MAST2: variants seen among roughly 807,000 people sequenced by gnomAD.
MAST2 encodes the protein microtubule associated serine/threonine kinase 2.
Under a neutral mutation model 147.4 loss-of-function variants are expected in MAST2, and 70 were observed. The observed-to-expected ratio is 0.47, with a 90% CI of 0.39 to 0.58. The LOEUF (loss-of-function observed/expected upper bound fraction) is 0.58. Ranked by LOEUF, MAST2 falls within the 20% of genes least tolerant of loss-of-function variation. The pLI is 0.00. For missense variants in MAST2, 2,080 were observed against 2,302.3 expected, an observed-to-expected ratio of 0.90 and a Z score of 1.98; for synonymous variants, 869 against 896.8, an observed-to-expected ratio of 0.97 and a Z score of 0.55.
Position 45,959,467 on chromosome 1 carries a change from T to C in MAST2, c.582T>C (p.His194=). The change falls in exon 5 of 29, where the codon CAT becomes CAC. Residue 194 remains histidine (H), a synonymous_variant. Transcript: ENST00000361297. ...PTLPRPHSPL[H]GHTGNSPLDS... The stretch of plus-strand genomic sequence containing the variant: ...TACCACGGCCACACTCACCACTCCA[T>C]GGCCACACAGGTGAGTGCTTGAAGG... 3 of 1,613,460 alleles carry C rather than the reference T, an allele frequency of 1.9e-6. No homozygotes were observed. Among genetic ancestry groups the C allele is most frequent in the Non-Finnish European group, 2.5e-6 (3 of 1,179,608 alleles).
intron 5 of MAST2, among the ~76,000 whole-genome samples, chr1:45,984,680 A>C (rs1644544998): frequency 6.6e-6 from 1 of 152,158 alleles, no homozygotes; most frequent in African/African-American, 2.4e-5. Flanking sequence ...GTTTAGACCT[A>C]AGATTTTTAA....
intron 4 of MAST2, among the ~76,000 whole-genome samples, chr1:45,933,246 T>TGGGG (rs1655634313): frequency 3.1e-5 from 1 of 32,680 alleles, no homozygotes; most frequent in Non-Finnish European, 5.5e-5. Flanking sequence ...AGCGGGGGGG[T>TGGGG]TGGGGGGGGC....
intron 1 of MAST2, among the ~76,000 whole-genome samples, chr1:45,820,448 T>C (rs907581906): frequency 3.3e-5 from 5 of 152,200 alleles, no homozygotes; most frequent in Admixed American, 1.3e-4. Context: ...TTTATAACAG[T>C]CTAGTTTGAA....
At chr1:45,996,880 G>C (rs1645078034) in intron 5 of MAST2, among the ~76,000 whole-genome samples, 1 of 152,160 alleles carries the variant, frequency 6.6e-6, no homozygotes, top group Admixed American at 6.5e-5. Flanking sequence ...AGGCCCCTGG[G>C]AGGTAAGCAC....
chr1:45,899,828 GGA>G (rs1248416705), intron 4 of MAST2, among the ~76,000 whole-genome samples: 7 of 150,116 alleles, frequency 4.7e-5, no homozygotes, highest in African/African-American at 1.7e-4. Context: ...AGGCCCAAGG[GGA>G]AAAAAAGAGC....
rs1488081636 is a variant in MAST2, at chr1:46,034,116, T to C, written c.3718T>C (p.Ser1240Pro). ...GTTCCGCAAGATCACCAAGCAAGCA[T>C]CCCTGCTCCACACCAGCCGCAGCCT... ...SLFRKITKQA[S>P]LLHTSRSLSS... is the part of the protein sequence containing the mutation. Residue 1240 changes from serine to proline, a missense_variant, in exon 28 of 29, where the codon TCC becomes CCC. By Grantham distance (74) the Ser-to-Pro change is moderately conservative. This residue lies in a region of MAST2 where 1,278 missense variants were observed against 1,304.2 expected (regional missense o/e 0.98). Coordinates refer to ENST00000361297, the MANE Select transcript of MAST2 (RefSeq NM_015112.3). The C allele has an allele frequency of 6.2e-7, 1 of 1,614,052 alleles. No homozygotes were observed. Among genetic ancestry groups the C allele is most frequent in the Non-Finnish European group, 8.5e-7 (1 of 1,179,976 alleles).
intron 4 of MAST2, chr1:45,917,493 A>C: frequency 7.3e-7 from 1 of 1,366,566 alleles, no homozygotes; most frequent in Non-Finnish European, 9.8e-7. Flanking sequence ...AGCCCACAGC[A>C]GTCCTGGCAC....
intron 5 of MAST2, among the ~76,000 whole-genome samples, chr1:45,992,705 T>G (rs1194050594): frequency 6.6e-6 from 1 of 152,186 alleles, no homozygotes; most frequent in African/African-American, 2.4e-5. Context: ...TCAGTTTCTT[T>G]AATGGAGTCT....
chr1:45,900,312 C>T (rs1649552651), intron 4 of MAST2, among the ~76,000 whole-genome samples: 1 of 151,926 alleles, frequency 6.6e-6, no homozygotes, highest in Non-Finnish European at 1.5e-5. Context: ...AATTTACATT[C>T]CCACCAACAG....
intron 4 of MAST2, among the ~76,000 whole-genome samples, chr1:45,905,617 A>G (rs1650573752): frequency 6.6e-6 from 1 of 152,120 alleles, no homozygotes; most frequent in Non-Finnish European, 1.5e-5. Context: ...TCTACTAAAA[A>G]CACAAAAAAT....
At chr1:45,917,320 T>C (rs1652699977) in intron 4 of MAST2, 1 of 1,350,610 alleles carries the variant, frequency 7.4e-7, no homozygotes, top group Non-Finnish European at 9.9e-7. Flanking sequence ...GTTTTTTTCC[T>C]ATTGTGGTAC....
chr1:45,847,382 T>A (rs2147957629), intron 3 of MAST2: 1 of 518,690 alleles, frequency 1.9e-6, no homozygotes, highest in Admixed American at 2.4e-5. Context: ...TTCAGTTAGT[T>A]CACAAGCATC....
Position 46,032,595 on chromosome 1 carries a change from G to A in MAST2, c.3415-1G>A, listed in dbSNP as rs12072001. The A allele has an allele frequency of 6.2e-7, 1 of 1,613,944 alleles. No homozygotes were observed. The highest frequency in any genetic ancestry group is 8.5e-7 in the Non-Finnish European group (1 of 1,179,868). On this transcript the variant is annotated splice_acceptor_variant, in intron 25 of 28. Transcript: ENST00000361297. LOFTEE classifies it high-confidence loss of function. ...TGAGTACTGTTCTCTTCCTGGCACA[G>A]CACGTGGAGGATGGAGGTCCGGCCA...
At position 45,890,243 on chromosome 1, in the gene MAST2, A is replaced by G. The variant is rs1403084482; in HGVS notation, c.500+7848A>G. Among the ~76,000 whole-genome samples the G allele has an allele frequency of 2.6e-5, 4 of 152,230 alleles. No individual in the cohort carries two copies. In the East Asian group the frequency reaches 7.7e-4, roughly 29 times the overall value. ...GCTCTTACATCAGTTGTAAATAAAG[A>G]ACTATTTGTCTGCCTTTTCCCGTTG... On this transcript the variant is annotated intron_variant, in intron 4 of 28. Coordinates refer to ENST00000361297, the MANE Select transcript of MAST2 (RefSeq NM_015112.3).
chr1:45,872,875 T>C (rs1222321520), intron 3 of MAST2, among the ~76,000 whole-genome samples: 1 of 152,216 alleles, frequency 6.6e-6, no homozygotes, highest in East Asian at 1.9e-4. Context: ...TAGGATTTAG[T>C]ATGTATAACT....
chr1:46,025,249 G>A (rs935417103), intron 15 of MAST2, among the ~76,000 whole-genome samples: 1 of 152,166 alleles, frequency 6.6e-6, no homozygotes, highest in Non-Finnish European at 1.5e-5. Context: ...AACCTGGGAG[G>A]CAGAGGTTGC....
intron 3 of MAST2, among the ~76,000 whole-genome samples, chr1:45,839,830 A>G (rs1426988096): frequency 1.3e-5 from 2 of 152,232 alleles, no homozygotes; most frequent in African/African-American, 4.8e-5. Flanking sequence ...GGATAGATAT[A>G]TAGATCACTG....
intron 2 of MAST2, among the ~76,000 whole-genome samples, chr1:45,826,849 T>G (rs1471413051): frequency 6.6e-6 from 1 of 152,056 alleles, no homozygotes; most frequent in African/African-American, 2.4e-5. Flanking sequence ...TATTTATTTT[T>G]GACGGAGTCT....
intron 4 of MAST2, 63 bp downstream of exon 4, chr1:45,882,458 A>G (rs1376511880): frequency 8.1e-7 from 1 of 1,232,040 alleles, no homozygotes; most frequent in Non-Finnish European, 1.2e-6. Flanking sequence ...TCTTGGGAAC[A>G]TTTCCCACTA....
Sources: gnomAD v4.1 joint callset for allele counts (sites outside exome capture counted in the v4.1 genomes callset) on GRCh38, gnomAD v4.1.1 for gene constraint, gnomAD v4.1.1 regional missense constraint, MANE v1.5 for transcripts, NCBI Gene and HGNC (gene_info 2026-07-23, HGNC 2026-07-21) for gene names.